Variants in DTNBP1 observed in about 807,000 individuals in gnomAD.
DTNBP1 encodes dysbindin.
A neutral mutation model predicts 42.8 loss-of-function variants in DTNBP1; 35 were observed. The ratio of observed to expected loss-of-function variants is 0.82; its 90% CI spans 0.63 to 1.09. The LOEUF is 1.09. Among genes scored for constraint, DTNBP1 ranks in the 50% least tolerant of loss-of-function variants. The pLI, the probability that DTNBP1 is intolerant of heterozygous loss-of-function variation, is 0.00. For missense variants in DTNBP1, 457 were observed against 424.2 expected, an observed-to-expected ratio of 1.08 and a Z score of -0.68; for synonymous variants, 171 against 162.2, an observed-to-expected ratio of 1.05 and a Z score of -0.41.
intron 7 of DTNBP1, among the ~76,000 whole-genome samples, chr6:15,578,081 G>T (rs1451440731): frequency 6.6e-6 from 1 of 152,232 alleles, no homozygotes; most frequent in African/African-American, 2.4e-5. Context: ...AGAGGACAAC[G>T]CTGCCAGAGC....
intron 8 of DTNBP1, among the ~76,000 whole-genome samples, chr6:15,527,267 TA>T (rs1165933861): frequency 6.6e-6 from 1 of 152,146 alleles, no homozygotes; most frequent in African/African-American, 2.4e-5. Context: ...ATAATATCCA[TA>T]ATCTTGGGGG....
chr6:15,603,014 A>G (rs1198662282), intron 6 of DTNBP1, among the ~76,000 whole-genome samples: 1 of 152,258 alleles, frequency 6.6e-6, no homozygotes, highest in African/African-American at 2.4e-5. Flanking sequence ...CTGTCAACCC[A>G]AGGATCTAAT....
intron 7 of DTNBP1, among the ~76,000 whole-genome samples, chr6:15,547,547 T>C (rs1181933634): frequency 3.9e-5 from 6 of 152,240 alleles, no homozygotes; most frequent in African/African-American, 1.4e-4. Context: ...ACGGAAATGT[T>C]ATCTCCTTAA....
chr6:15,580,763 G>C lies in DTNBP1; in HGVS notation c.511+12296C>G, dbSNP rs150386497. On this transcript the variant is annotated intron_variant, in intron 7 of 9. Transcript: ENST00000344537. ...CTTTTACAGTTATTTTAAAAATAAA[G>C]ACTAGGGGCACTTTCATGTTAAAAA... Among the ~76,000 whole-genome samples the C allele has an allele frequency of 4.4e-3, 676 of 152,220 alleles. 2 individuals carry two copies. The highest frequency in any genetic ancestry group is 6.0e-3 in the Non-Finnish European group (405 of 68,006).
chr6:15,617,324 C>G (rs1219656223), intron 5 of DTNBP1, among the ~76,000 whole-genome samples: 1 of 151,970 alleles, frequency 6.6e-6, no homozygotes, highest in Non-Finnish European at 1.5e-5. Context: ...AATGCAATCC[C>G]TATCAAAACA....
rs1760114532 is a variant in DTNBP1, at chr6:15,637,757, G to C, written c.209C>G (p.Ala70Gly). The C allele has an allele frequency of 5.6e-6, 9 of 1,613,696 alleles. No homozygotes were observed. In the South Asian group the frequency reaches 8.8e-5, roughly 16 times the overall value. ...AALHRRAKDCASAGELVDSEV... is the reference protein window; with the variant it reads ...AALHRRAKDCGSAGELVDSEV... Reference sequence around the variant, plus strand: ...TCAATTCTTTACCTCTCCAGCACTTGCACAGTCTTTGGCTCTTCTGTGAAG... The same window carrying C: ...TCAATTCTTTACCTCTCCAGCACTTCCACAGTCTTTGGCTCTTCTGTGAAG... Residue 70 changes from alanine to glycine, a missense_variant, in exon 4 of 10, where the codon GCA becomes GGA. Ala to Gly is a moderately conservative substitution (Grantham distance 60). Coordinates refer to ENST00000344537, the MANE Select transcript of DTNBP1 (RefSeq NM_032122.5).
chr6:15,609,131 T>C (rs1030149089), intron 6 of DTNBP1, among the ~76,000 whole-genome samples: 4 of 152,044 alleles, frequency 2.6e-5, no homozygotes, highest in Admixed American at 1.3e-4. Flanking sequence ...TAACATTATC[T>C]TATGCTTCAG....
chr6:15,633,249 T>C (rs1384638251), intron 4 of DTNBP1, among the ~76,000 whole-genome samples: 2 of 152,242 alleles, frequency 1.3e-5, no homozygotes, highest in East Asian at 1.9e-4. Context: ...TATCAACTTT[T>C]AAGTGTTATT....
intron 7 of DTNBP1, among the ~76,000 whole-genome samples, chr6:15,548,021 T>C (rs1356350831): frequency 1.3e-5 from 2 of 149,642 alleles, no homozygotes; most frequent in African/African-American, 5.1e-5. Flanking sequence ...TGGCAACAAA[T>C]GCTGAAGAGA....
In DTNBP1 at chr6:15,662,932, G is replaced by C; in HGVS notation, c.-63C>G. On this transcript the variant is annotated 5_prime_UTR_variant, in exon 1 of 10. Transcript: ENST00000344537. ...CTGCTGCTGCCTCTGTCGCCCCCTG[G>C]GTCCCACGCCGCCAACCCCGCGCTG... 1 of 1,595,016 alleles carries C rather than the reference G, an allele frequency of 6.3e-7. No individual in the cohort carries two copies. Among genetic ancestry groups the C allele is most frequent in the South Asian group, 1.1e-5 (1 of 90,846 alleles).
chr6:15,523,095 C>CGGG lies in DTNBP1; in HGVS notation c.935_936insCCC (p.Glu312delinsAspPro), dbSNP rs757162023. The CGGG allele has an allele frequency of 5.6e-6, 9 of 1,614,250 alleles. No individual in the cohort carries two copies. In the South Asian group the frequency reaches 9.9e-5, roughly 18 times the overall value. On this transcript the variant is annotated protein_altering_variant, in exon 10 of 10. Coordinates refer to ENST00000344537, the MANE Select transcript of DTNBP1 (RefSeq NM_032122.5). ...ACTGAACAACGGGGGACTCCCCACC[C>CGGG]TCACTGATGTCCCGGGTGGCCGAGT...
chr6:15,651,526 T>C (rs1409494612), intron 2 of DTNBP1, 163 bp from the exon 3 acceptor site: 6 of 910,184 alleles, frequency 6.6e-6, no homozygotes, highest in Non-Finnish European at 6.8e-6. Context: ...TCAGAGTTAA[T>C]GTACTGTATG....
At chr6:15,616,353 C>T (rs1168033457) in intron 5 of DTNBP1, among the ~76,000 whole-genome samples, 1 of 152,182 alleles carries the variant, frequency 6.6e-6, no homozygotes, top group African/African-American at 2.4e-5. Context: ...GTGCCAGTCA[C>T]TGTGATACAA....
At chr6:15,541,665 C>T (rs986704500) in intron 7 of DTNBP1, among the ~76,000 whole-genome samples, 10 of 152,160 alleles carry the variant, frequency 6.6e-5, no homozygotes, top group African/African-American at 2.4e-4. Flanking sequence ...CTGACTGCAA[C>T]TTCCACTTTA....
At chr6:15,525,680 A>G (rs988391427) in intron 8 of DTNBP1, among the ~76,000 whole-genome samples, 2 of 152,262 alleles carry the variant, frequency 1.3e-5, no homozygotes, top group African/African-American at 4.8e-5. Context: ...TCACAGCCCA[A>G]TAGAAAATTA....
At chr6:15,652,022 T>C in intron 2 of DTNBP1, 65 bp downstream of exon 2, 2 of 1,407,736 alleles carry the variant, frequency 1.4e-6, no homozygotes, top group Non-Finnish European at 2.0e-6. Context: ...TACACAATTG[T>C]GAATACACCA....
chr6:15,554,872 T>A (rs1774420277), intron 7 of DTNBP1, among the ~76,000 whole-genome samples: 1 of 151,974 alleles, frequency 6.6e-6, no homozygotes, highest in African/African-American at 2.4e-5. Flanking sequence ...AACCATTCCG[T>A]GGTCGGTGGT....
At chr6:15,659,505 G>A (rs1193023817) in intron 1 of DTNBP1, among the ~76,000 whole-genome samples, 1 of 152,042 alleles carries the variant, frequency 6.6e-6, no homozygotes, top group Non-Finnish European at 1.5e-5. Flanking sequence ...GGGTGGCCAG[G>A]GCCATGTTTT....
chr6:15,551,452 G>A (rs552142987), intron 7 of DTNBP1, among the ~76,000 whole-genome samples: 27 of 152,154 alleles, frequency 1.8e-4, no homozygotes, highest in Admixed American at 3.3e-4. Context: ...TTCCAGCTGC[G>A]GAAGAAGGAC....
Sources: gnomAD v4.1 joint callset for allele counts (sites outside exome capture counted in the v4.1 genomes callset) on GRCh38, gnomAD v4.1.1 for gene constraint, MANE v1.5 for transcripts, NCBI Gene and HGNC (gene_info 2026-07-23, HGNC 2026-07-21) for gene names.